Variants in TMEM178B observed in about 807,000 individuals in gnomAD.
TMEM178B encodes transmembrane protein 178B.
TMEM178B carries 5 observed loss-of-function variants against 31.0 expected under a neutral mutation model. The ratio of observed to expected loss-of-function variants is 0.16; its 90% CI spans 0.08 to 0.34. TMEM178B has a LOEUF of 0.34. Among genes scored for constraint, TMEM178B ranks in the 10% least tolerant of loss-of-function variants. The pLI, the probability that TMEM178B is intolerant of heterozygous loss-of-function variation, is 1.00. For synonymous variants in TMEM178B, 164 were observed against 164.0 expected, an observed-to-expected ratio of 1.00 and a Z score of 0.00; for missense variants, 275 against 400.3, an observed-to-expected ratio of 0.69 and a Z score of 2.67.
At chr7:141,357,956 A>T (rs1222833216) in intron 2 of TMEM178B, among the ~76,000 whole-genome samples, 1 of 152,174 alleles carries the variant, frequency 6.6e-6, no homozygotes, top group Non-Finnish European at 1.5e-5. Context: ...CAGAGTCCCA[A>T]GATTTTTGGA....
chr7:141,110,403 A>G (rs1795214762), intron 1 of TMEM178B, among the ~76,000 whole-genome samples: 1 of 152,260 alleles, frequency 6.6e-6, no homozygotes, highest in South Asian at 2.1e-4. Context: ...TATTGATTCA[A>G]ATTGTGCTAC....
At chr7:141,458,448 ATCCT>A (rs1736429164) in intron 3 of TMEM178B, among the ~76,000 whole-genome samples, 1 of 152,136 alleles carries the variant, frequency 6.6e-6, no homozygotes, top group Admixed American at 6.5e-5. Flanking sequence ...GTATCTTGAG[ATCCT>A]TCCAAGTTCC....
intron 1 of TMEM178B, among the ~76,000 whole-genome samples, chr7:141,174,813 G>GT (rs1260487458): frequency 1.3e-5 from 2 of 152,018 alleles, no homozygotes; most frequent in Non-Finnish European, 2.9e-5. Context: ...GGGGTTGTCT[G>GT]TTTTTTCATG....
intron 1 of TMEM178B, among the ~76,000 whole-genome samples, chr7:141,183,659 A>T (rs1416775602): frequency 6.6e-6 from 1 of 152,196 alleles, no homozygotes; most frequent in African/African-American, 2.4e-5. Flanking sequence ...CTCCAAATAG[A>T]TGACATTGTT....
At chr7:141,192,551 C>T (rs963452626) in intron 1 of TMEM178B, among the ~76,000 whole-genome samples, 2 of 150,520 alleles carry the variant, frequency 1.3e-5, no homozygotes, top group South Asian at 2.1e-4. Flanking sequence ...TGCAGTGGGG[C>T]GATCTTGGCT....
chr7:141,395,133 C>A (rs540825555), intron 2 of TMEM178B, among the ~76,000 whole-genome samples: 3 of 152,220 alleles, frequency 2.0e-5, no homozygotes, highest in Non-Finnish European at 4.4e-5. Context: ...TTTATCTAAT[C>A]ATCCTGATTC....
chr7:141,328,299 T>C (rs1183029702), intron 2 of TMEM178B, among the ~76,000 whole-genome samples: 5 of 152,160 alleles, frequency 3.3e-5, no homozygotes, highest in Non-Finnish European at 7.3e-5. Context: ...AATACCTTTT[T>C]TAATGGGGGA....
rs578032046 is a variant in TMEM178B at position 141,228,615 on chromosome 7, G to A, written c.496+15911G>A. Among the ~76,000 whole-genome samples the A allele has an allele frequency of 5.9e-5, 9 of 152,216 alleles. No individual in the cohort carries two copies. The East Asian group carries it at 9.6e-4, about 16-fold the overall frequency. ...GGAGATGGCTGGTGCCCTCCATATC[G>A]GCTGTCAGGATCTCCAGTGCAGCCT... is the stretch of plus-strand genomic sequence containing the variant. On this transcript the variant is annotated intron_variant, in intron 2 of 3. Transcript: ENST00000565468.
chr7:141,266,303 T>C (rs1586859337), intron 2 of TMEM178B, among the ~76,000 whole-genome samples: 1 of 152,206 alleles, frequency 6.6e-6, no homozygotes, highest in South Asian at 2.1e-4. Flanking sequence ...ACTGCCTTGC[T>C]AACTGGCCAA....
At chr7:141,330,569 TAGAG>T (rs1365737772) in intron 2 of TMEM178B, among the ~76,000 whole-genome samples, 1 of 152,146 alleles carries the variant, frequency 6.6e-6, no homozygotes, top group Admixed American at 6.5e-5. Flanking sequence ...ATTTCTCACT[TAGAG>T]AGAAAACACT....
rs116465398 is a variant in TMEM178B, at chr7:141,251,409, C to T, written c.496+38705C>T. 5.1e-3 allele frequency among the ~76,000 whole-genome samples: 779 copies of T among 152,048 alleles called. 9 individuals carry two copies. Among genetic ancestry groups the T allele is most frequent in the African/African-American group, 0.018 (741 of 41,438 alleles). On this transcript the variant is annotated intron_variant, in intron 2 of 3. Coordinates refer to ENST00000565468, the MANE Select transcript of TMEM178B (RefSeq NM_001195278.2). ...GGCCAGAAAGGGGTGTGATGCAAGACAGTACTAGGCAGTTTGGGGGAACAT... is the reference window on the plus strand; with the variant it reads ...GGCCAGAAAGGGGTGTGATGCAAGATAGTACTAGGCAGTTTGGGGGAACAT...
intron 1 of TMEM178B, among the ~76,000 whole-genome samples, chr7:141,192,217 A>G (rs1389092920): frequency 6.6e-6 from 1 of 152,208 alleles, no homozygotes; most frequent in Non-Finnish European, 1.5e-5. Flanking sequence ...GCAGAGCCCT[A>G]CTGGGAAAGA....
intron 2 of TMEM178B, among the ~76,000 whole-genome samples, chr7:141,429,051 C>A (rs773727147): frequency 2.0e-5 from 3 of 151,874 alleles, no homozygotes; most frequent in Non-Finnish European, 2.9e-5. Flanking sequence ...GAAAGGGAAC[C>A]CTTATACACT....
chr7:141,132,042 C>G (rs1200817940), intron 1 of TMEM178B, among the ~76,000 whole-genome samples: 1 of 152,206 alleles, frequency 6.6e-6, no homozygotes, highest in Non-Finnish European at 1.5e-5. Context: ...TATAATTTCA[C>G]TCCTCTTTCT....
At chr7:141,109,669 T>C (rs973411016) in intron 1 of TMEM178B, among the ~76,000 whole-genome samples, 1 of 152,160 alleles carries the variant, frequency 6.6e-6, no homozygotes, top group Admixed American at 6.5e-5. Context: ...AGGAGCTTGA[T>C]AAATAATTGT....
rs542565090 is a variant in TMEM178B at position 141,469,864 on chromosome 7, G to A, written c.635-672G>A. On this transcript the variant is annotated intron_variant, in intron 3 of 3. Coordinates refer to ENST00000565468, the MANE Select transcript of TMEM178B (RefSeq NM_001195278.2). ...ATTCTGCATAAAGTAGGGTAGATGA[G>A]TTACCTTAATATTAACGTGGATGAT... Among the ~76,000 whole-genome samples the A allele has an allele frequency of 1.6e-3, 248 of 152,338 alleles. 2 individuals are homozygous for A. The highest frequency in any genetic ancestry group is 5.8e-3 in the African/African-American group (241 of 41,568).
intron 2 of TMEM178B, among the ~76,000 whole-genome samples, chr7:141,239,065 G>T (rs73167479): frequency 0.25 from 37,315 of 151,826 alleles, 5,891 homozygotes; most frequent in Non-Finnish European, 0.36. Context: ...GGTTTTTTTT[G>T]TTGTTGTTGT....
chr7:141,192,380 G>A (rs1251116441), intron 1 of TMEM178B, among the ~76,000 whole-genome samples: 1 of 152,148 alleles, frequency 6.6e-6, no homozygotes, highest in East Asian at 1.9e-4. Flanking sequence ...AGGTGGGGGT[G>A]GCTGGTCCAG....
chr7:141,483,037 C>T (rs925967400), downstream of TMEM178B, among the ~76,000 whole-genome samples: 2 of 152,098 alleles, frequency 1.3e-5, no homozygotes, highest in Admixed American at 1.3e-4. Context: ...AAGGTCTCCA[C>T]CATAAGTCAC....
Sources: gnomAD v4.1 joint callset for allele counts (sites outside exome capture counted in the v4.1 genomes callset) on GRCh38, gnomAD v4.1.1 for gene constraint, MANE v1.5 for transcripts, NCBI Gene and HGNC (gene_info 2026-07-23, HGNC 2026-07-21) for gene names.